Variants in CX3CR1 observed in about 807,000 individuals in gnomAD.
CX3CR1 encodes the protein C-X3-C motif chemokine receptor 1.
For missense variants in CX3CR1, 363 were observed against 432.4 expected (o/e 0.84, Z 1.42); for synonymous variants, 168 against 178.5 (o/e 0.94, Z 0.47).
At chr3:39,280,258 G>T, upstream of CX3CR1, 2 of 985,674 alleles carry the variant, frequency 2.0e-6, no homozygotes, top group Non-Finnish European at 2.4e-6. Context: ...CCCCAACCTG[G>T]AGGTGGGGGG....
upstream of CX3CR1, chr3:39,280,151 G>A (rs2040879359): frequency 2.1e-6 from 2 of 974,404 alleles, no homozygotes. Context: ...ACTCCAGGGT[G>A]GAGGCCAGCT....
chr3:39,280,271 G>C (rs570183126), upstream of CX3CR1: 4 of 985,660 alleles, frequency 4.1e-6, no homozygotes, highest in Admixed American at 2.5e-4. Context: ...GTGGGGGGCA[G>C]GGAGCAGGCC....
chr3:39,268,148 G>T (rs963769402), intron 1 of CX3CR1, among the ~76,000 whole-genome samples: 1 of 152,150 alleles, frequency 6.6e-6, no homozygotes, highest in East Asian at 1.9e-4. Context: ...GTCACTTCTC[G>T]CTTCCCAGCC....
At chr3:39,283,793 A>AAAAAAC (rs2040924536), upstream of CX3CR1, among the ~76,000 whole-genome samples, 1 of 63,930 alleles carries the variant, frequency 1.6e-5, no homozygotes, top group Non-Finnish European at 2.9e-5. Flanking sequence ...AAAAAAAAAA[A>AAAAAAC]ATTATATATA....
At chr3:39,281,721 A>G, upstream of CX3CR1, 1 of 1,550,256 alleles carries the variant, frequency 6.5e-7, no homozygotes, top group South Asian at 1.1e-5. Flanking sequence ...CGGCCTGGTA[A>G]GCACGGCCCG....
chr3:39,269,141 G>A (rs6783532), intron 1 of CX3CR1, among the ~76,000 whole-genome samples: 4,245 of 139,674 alleles, frequency 0.03, 197 homozygotes, highest in African/African-American at 0.1. Flanking sequence ...GATCTAATCC[G>A]TTCTGCAATT....
the CX3CR1 span, among the ~76,000 whole-genome samples, chr3:39,288,537 C>A: frequency 6.8e-6 from 1 of 146,624 alleles, no homozygotes; most frequent in Admixed American, 6.7e-5. Context: ...TCACCAGCAA[C>A]CCCCAGGTCC....
At position 39,264,977 on chromosome 3, in the gene CX3CR1, T is replaced by G. The variant is rs901715487; in HGVS notation, c.*465A>C. ...CCTTGGGGCCAGAGAAACATGGGTG[T>G]CAGTCCCTCTCTGGTGATAAAGCTG... On this transcript the variant is annotated 3_prime_UTR_variant, in exon 2 of 2. Transcript: ENST00000399220. 6.5e-6 allele frequency: 1 copy of G among 153,462 alleles called. No homozygotes were observed. Among genetic ancestry groups the G allele is most frequent in the Non-Finnish European group, 1.4e-5 (1 of 69,002 alleles). 9.5% of individuals were successfully genotyped at this position (153,462 alleles called of 1,614,324 possible). A position where few individuals can be genotyped will look rare whatever the true frequency, so the allele number is the denominator to read the frequency against.
upstream of CX3CR1, chr3:39,281,763 C>T (rs1404361068): frequency 7.5e-6 from 9 of 1,192,424 alleles, 1 homozygote; most frequent in Admixed American, 1.6e-4. Context: ...GCTCTCACCA[C>T]TTCCACTTCC....
the CX3CR1 span, chr3:39,288,070 T>C: frequency 6.6e-6 from 1 of 152,210 alleles, no homozygotes; most frequent in African/African-American, 2.4e-5. Context: ...TGTCATTCTC[T>C]GGGAACCTAG....
At position 39,265,330 on chromosome 3, in the gene CX3CR1, G is replaced by T; in HGVS notation, c.*112C>A. 4 of 1,124,612 alleles carry T rather than the reference G, an allele frequency of 3.6e-6. No homozygotes were observed. The highest frequency in any genetic ancestry group is 5.1e-6 in the Non-Finnish European group (4 of 786,376). The allele number at this position is 1,124,612 out of a possible 1,614,324, so 69.7% of individuals were successfully genotyped here. A position where few individuals can be genotyped will look rare whatever the true frequency, so the allele number is the denominator to read the frequency against. The stretch of plus-strand genomic sequence containing the variant: ...ACTCTAGGGTTGTTTTGTGTGCATT[G>T]GGTCCATCATTTTGTGCCTGTAAGA... On this transcript the variant is annotated 3_prime_UTR_variant, in exon 2 of 2. Transcript: ENST00000399220.
At position 39,265,931 on chromosome 3, in the gene CX3CR1, C is replaced by T. The variant is rs749096233; in HGVS notation, c.579G>A (p.Val193=). 28 of 1,614,114 alleles carry T rather than the reference C, an allele frequency of 1.7e-5. No homozygotes were observed. The highest frequency in any genetic ancestry group is 1.6e-4 in the Middle Eastern group (1 of 6,062). ...GTAGGAAGCCAAGAAAATTTGTTTCCACATTGCGGAGCACGGGCCAGATTT... is the reference window on the plus strand; with the variant it reads ...GTAGGAAGCCAAGAAAATTTGTTTCTACATTGCGGAGCACGGGCCAGATTT... ...LQEIWPVLRN[V]ETNFLGFLLP... The change falls in exon 2 of 2, where the codon GTG becomes GTA. Residue 193 remains valine (V), a synonymous_variant. Coordinates refer to ENST00000399220, the MANE Select transcript of CX3CR1 (RefSeq NM_001337.4).
chr3:39,280,565 T>C, upstream of CX3CR1: 1 of 748,848 alleles, frequency 1.3e-6, no homozygotes, highest in Non-Finnish European at 1.6e-6. Context: ...TTTGAGAAGC[T>C]TTGGTACTGA....
At chr3:39,284,166 C>G (rs1183965021), upstream of CX3CR1, among the ~76,000 whole-genome samples, 1 of 151,800 alleles carries the variant, frequency 6.6e-6, no homozygotes, top group East Asian at 1.9e-4. Flanking sequence ...AGCTGAGAAA[C>G]CATTGTCTAA....
At chr3:39,283,794 AT>A (rs1301718669), upstream of CX3CR1, among the ~76,000 whole-genome samples, 130 of 58,284 alleles carry the variant, frequency 2.2e-3, 3 homozygotes, top group South Asian at 0.011. Context: ...AAAAAAAAAA[AT>A]TATATATATA....
the CX3CR1 span, among the ~76,000 whole-genome samples, chr3:39,290,466 T>G: frequency 6.6e-6 from 1 of 152,308 alleles, no homozygotes; most frequent in East Asian, 1.9e-4. Flanking sequence ...TCTTTTTTCA[T>G]ATTAGGGAAT....
At chr3:39,280,920 T>A (rs752723916), upstream of CX3CR1, 3 of 187,914 alleles carry the variant, frequency 1.6e-5, no homozygotes, top group Non-Finnish European at 3.0e-5. Context: ...TTCTGATCCA[T>A]CCCTAACTAG....
the CX3CR1 span, chr3:39,287,405 T>G: frequency 6.6e-6 from 1 of 151,818 alleles, no homozygotes; most frequent in Non-Finnish European, 1.5e-5. Context: ...CAGGAGGGAG[T>G]GTTTGGTGTC....
the CX3CR1 span, among the ~76,000 whole-genome samples, chr3:39,291,181 C>T: frequency 1.3e-5 from 2 of 151,784 alleles, no homozygotes; most frequent in African/African-American, 4.8e-5. Flanking sequence ...CTCAGCCTCC[C>T]AAGTAGCTGG....
Sources: gnomAD v4.1 joint callset for allele counts (sites outside exome capture counted in the v4.1 genomes callset) on GRCh38, gnomAD v4.1.1 for gene constraint, MANE v1.5 for transcripts, NCBI Gene and HGNC (gene_info 2026-07-23, HGNC 2026-07-21) for gene names.